The following TTC7B variants were observed in gnomAD, a reference collection of about 807,000 sequenced individuals.
TTC7B encodes the protein tetratricopeptide repeat protein 7B.
A neutral mutation model predicts 106.8 loss-of-function variants in TTC7B; 28 were observed. That is an observed-to-expected ratio of 0.26 (90% CI 0.19 to 0.36). The LOEUF is 0.36. Ranked by LOEUF, TTC7B falls within the 10% of genes least tolerant of loss-of-function variation. The pLI, the probability that TTC7B is intolerant of heterozygous loss-of-function variation, is 1.00. For missense variants in TTC7B, 862 were observed against 1,076.4 expected (o/e 0.80, Z 2.79); for synonymous variants, 405 against 430.6 (o/e 0.94, Z 0.74).
intron 5 of TTC7B, among the ~76,000 whole-genome samples, chr14:90,709,697 T>A (rs1256276273): frequency 1.3e-5 from 2 of 151,750 alleles, no homozygotes; most frequent in Admixed American, 6.6e-5. Flanking sequence ...AATAAAATAA[T>A]AATAATAATT....
intron 3 of TTC7B, among the ~76,000 whole-genome samples, chr14:90,756,936 A>G (rs1487348821): frequency 1.3e-5 from 2 of 152,034 alleles, no homozygotes; most frequent in African/African-American, 4.8e-5. Context: ...CTCTTCTTAC[A>G]CTCTCTAAAT....
At chr14:90,632,508 C>T (rs962597176) in intron 15 of TTC7B, among the ~76,000 whole-genome samples, 2 of 152,160 alleles carry the variant, frequency 1.3e-5, no homozygotes, top group Non-Finnish European at 2.9e-5. Context: ...ACTATGTTTC[C>T]TAGTTTTTTG....
chr14:90,565,150 T>C (rs1258026484), intron 19 of TTC7B, among the ~76,000 whole-genome samples: 1 of 152,210 alleles, frequency 6.6e-6, no homozygotes, highest in Non-Finnish European at 1.5e-5. Flanking sequence ...TTGCTCTGGA[T>C]TAGGCTTTGG....
chr14:90,738,655 A>G lies in TTC7B; in HGVS notation c.576+6137T>C, dbSNP rs74788964. On this transcript the variant is annotated intron_variant, in intron 4 of 19. Coordinates refer to ENST00000328459, the MANE Select transcript of TTC7B (RefSeq NM_001010854.2). Reference sequence around the variant, plus strand: ...TAACTTGTAGAAAGCAACTGGACACAATACAGAGTAACAAGAATAGTAAAA... The same window carrying G: ...TAACTTGTAGAAAGCAACTGGACACGATACAGAGTAACAAGAATAGTAAAA... Among the ~76,000 whole-genome samples the G allele has an allele frequency of 5.4e-3, 828 of 152,262 alleles. 37 individuals carry two copies. In the East Asian group the frequency reaches 0.12, roughly 23 times the overall value.
chr14:90,598,338 C>T (rs1892296158), intron 17 of TTC7B, among the ~76,000 whole-genome samples: 2 of 152,150 alleles, frequency 1.3e-5, no homozygotes, highest in African/African-American at 4.8e-5. Flanking sequence ...GCTTTCCTTG[C>T]CCTCCCACCT....
At chr14:90,637,957 G>A (rs1187365034) in intron 15 of TTC7B, among the ~76,000 whole-genome samples, 4 of 152,042 alleles carry the variant, frequency 2.6e-5, no homozygotes, top group Admixed American at 6.6e-5. Context: ...GAGTGTAGTG[G>A]TGCAGCCTTG....
At chr14:90,797,527 CG>C (rs1171659990) in intron 1 of TTC7B, among the ~76,000 whole-genome samples, 1 of 151,630 alleles carries the variant, frequency 6.6e-6, no homozygotes, top group Non-Finnish European at 1.5e-5. Context: ...CCTGTAATCC[CG>C]GGTAACCCAG....
At chr14:90,732,477 A>C (rs975542103) in intron 4 of TTC7B, among the ~76,000 whole-genome samples, 1 of 152,188 alleles carries the variant, frequency 6.6e-6, no homozygotes, top group Admixed American at 6.5e-5. Context: ...TCGCAGGCTC[A>C]AACGATCCTC....
chr14:90,770,800 T>C (rs1053033541), intron 3 of TTC7B, among the ~76,000 whole-genome samples: 2 of 152,374 alleles, frequency 1.3e-5, no homozygotes, highest in South Asian at 4.1e-4. Flanking sequence ...GGACAGACCA[T>C]GTGTTAGGTC....
chr14:90,616,710 AT>A (rs1379354430), intron 16 of TTC7B, among the ~76,000 whole-genome samples: 1 of 152,272 alleles, frequency 6.6e-6, no homozygotes, highest in East Asian at 1.9e-4. Context: ...CTGCAGAAAC[AT>A]TTGTAAAACA....
intron 13 of TTC7B, among the ~76,000 whole-genome samples, chr14:90,649,437 G>A (rs1427242825): frequency 6.6e-6 from 1 of 152,128 alleles, no homozygotes; most frequent in Non-Finnish European, 1.5e-5. Context: ...CAGGCAACTC[G>A]CCGGACAGAA....
chr14:90,810,299 A>T (rs948662096), intron 1 of TTC7B, among the ~76,000 whole-genome samples: 13 of 152,236 alleles, frequency 8.5e-5, no homozygotes, highest in Non-Finnish European at 1.3e-4. Flanking sequence ...ATTCTGAAAT[A>T]CATCTGGCCC....
rs893899639 is a variant in TTC7B at position 90,578,399 on chromosome 14, G to C, written c.2108-91C>G. 4 of 1,387,082 alleles carry C rather than the reference G, an allele frequency of 2.9e-6. No individual in the cohort carries two copies. The highest frequency in any genetic ancestry group is 4.0e-6 in the Non-Finnish European group (4 of 1,000,684). The allele number at this position is 1,387,082 out of a possible 1,614,324, so 85.9% of individuals were successfully genotyped here. ...ACTCTGATGTTCGTGTTCCCTGCAC[G>C]GGAGTCTGGCGGGGCGCAGAGCCAG... On this transcript the variant is annotated intron_variant, in intron 18 of 19. Transcript: ENST00000328459. The surrounding 1 kb of genome is among the most constrained non-coding windows in gnomAD (Gnocchi z 4.7).
chr14:90,627,614 G>C (rs1452384124), intron 15 of TTC7B, among the ~76,000 whole-genome samples: 2 of 152,202 alleles, frequency 1.3e-5, no homozygotes, highest in African/African-American at 4.8e-5. Context: ...GGGTGGTTTG[G>C]CTGCGCCTCT....
intron 7 of TTC7B, among the ~76,000 whole-genome samples, 180 bp downstream of exon 7, chr14:90,689,360 C>T (rs1240634316): frequency 1.3e-5 from 2 of 152,158 alleles, no homozygotes; most frequent in Non-Finnish European, 2.9e-5. Context: ...TGCTAGTGCA[C>T]AGATATTTGC....
At chr14:90,632,396 T>A (rs1566808791) in intron 15 of TTC7B, among the ~76,000 whole-genome samples, 1 of 152,140 alleles carries the variant, frequency 6.6e-6, no homozygotes, top group Non-Finnish European at 1.5e-5. Flanking sequence ...TGAGAGTATG[T>A]GTGTGTGTGC....
chr14:90,691,177 G>A (rs912377286), intron 6 of TTC7B, among the ~76,000 whole-genome samples: 2 of 152,052 alleles, frequency 1.3e-5, no homozygotes, highest in African/African-American at 2.4e-5. Flanking sequence ...AGAAATAAGT[G>A]TTAAAAGGAA....
Position 90,657,089 on chromosome 14 carries a change from T to C in TTC7B, c.1341+85A>G. On this transcript the variant is annotated intron_variant, in intron 11 of 19. Transcript: ENST00000328459. The surrounding 1 kb of genome is among the most constrained non-coding windows in gnomAD (Gnocchi z 4.2). The stretch of plus-strand genomic sequence containing the variant: ...TACAGCTGATGAATCACCCTCGCTT[T>C]CTCTCTGTGCCTCGACATGAAAAAA... The C allele has an allele frequency of 2.5e-6, 3 of 1,180,062 alleles. No homozygotes were observed. The highest frequency in any genetic ancestry group is 3.7e-6 in the Non-Finnish European group (3 of 813,250). 73.1% of individuals were successfully genotyped at this position (1,180,062 alleles called of 1,614,324 possible).
chr14:90,704,806 G>A (rs889152057), intron 5 of TTC7B, among the ~76,000 whole-genome samples: 2 of 152,286 alleles, frequency 1.3e-5, no homozygotes, highest in Admixed American at 6.5e-5. Flanking sequence ...CACAGAAGAC[G>A]CTCTGACCAG....
Sources: gnomAD v4.1 joint callset for allele counts (sites outside exome capture counted in the v4.1 genomes callset) on GRCh38, gnomAD v4.1.1 for gene constraint, Gnocchi (gnomAD v3.1) non-coding constraint, MANE v1.5 for transcripts, NCBI Gene and HGNC (gene_info 2026-07-23, HGNC 2026-07-21) for gene names.